Variants in ZFHX3 observed in about 807,000 individuals in gnomAD.
The protein encoded by ZFHX3 is zinc finger homeobox 3.
A neutral mutation model predicts 279.1 loss-of-function variants in ZFHX3; 42 were observed. The ratio of observed to expected loss-of-function variants is 0.15; its 90% CI spans 0.12 to 0.19. The LOEUF (loss-of-function observed/expected upper bound fraction) is 0.19. Among genes scored for constraint, ZFHX3 ranks in the 10% least tolerant of loss-of-function variants. The pLI, the probability that ZFHX3 is intolerant of heterozygous loss-of-function variation, is 1.00. For synonymous variants in ZFHX3, 2,293 were observed against 1,957.8 expected (o/e 1.17, Z -4.52); for missense variants, 4,981 against 4,754.0 (o/e 1.05, Z -1.40).
rs377596031 is a variant in ZFHX3 at position 72,958,252 on chromosome 16, C to G, written c.1894G>C (p.Gly632Arg). ...ACGCCACTCCCCGAGGGGCACTCCC[C>G]AACCCCAAGCTCGCAGAGGGAGCCA... ...HAGSLCELGV[G>R]ECPSGSGVEC... The change falls in exon 2 of 10, where the codon GGG becomes CGG. Residue 632 changes from glycine to arginine, a missense_variant. Physicochemically the swap from Gly to Arg is moderately radical, Grantham distance 125. Around this residue, in one of 7 missense-constraint regions of ZFHX3, gnomAD observed 1,068 missense variants for 935.2 expected, o/e 1.14. Coordinates refer to ENST00000268489, the MANE Select transcript of ZFHX3 (RefSeq NM_006885.4). 3 of 1,613,898 alleles carry G rather than the reference C, an allele frequency of 1.9e-6. No individual in the cohort carries two copies. The highest frequency in any genetic ancestry group is 2.5e-6 in the Non-Finnish European group (3 of 1,179,776).
At chr16:73,041,570 C>A (rs551568359) in intron 1 of ZFHX3, among the ~76,000 whole-genome samples, 1 of 152,062 alleles carries the variant, frequency 6.6e-6, no homozygotes. Context: ...TCATCAATGC[C>A]CATCTCAATT....
At chr16:73,013,804 A>G (rs1408191830) in intron 1 of ZFHX3, among the ~76,000 whole-genome samples, 2 of 152,212 alleles carry the variant, frequency 1.3e-5, no homozygotes, top group African/African-American at 2.4e-5. Context: ...CTCCTGAGCC[A>G]CCTACCTCTA....
intron 1 of ZFHX3, among the ~76,000 whole-genome samples, chr16:73,865,411 G>A (rs1045946454): frequency 6.6e-6 from 1 of 152,142 alleles, no homozygotes; most frequent in African/African-American, 2.4e-5. Flanking sequence ...GGTGTGGGGT[G>A]GGCATGAGGC....
intron 2 of ZFHX3, among the ~76,000 whole-genome samples, chr16:73,672,713 C>T (rs1313463648): frequency 6.7e-6 from 1 of 148,514 alleles, no homozygotes; most frequent in Non-Finnish European, 1.5e-5. Flanking sequence ...GTTTTGTGGA[C>T]ATTAAAAGGA....
chr16:73,139,882 G>A (rs1966841986), intron 6 of ZFHX3, among the ~76,000 whole-genome samples: 1 of 152,232 alleles, frequency 6.6e-6, no homozygotes, highest in African/African-American at 2.4e-5. Context: ...TATGGGACTT[G>A]AGGGAGACCA....
At chr16:73,424,097 T>G (rs2017768056) in intron 3 of ZFHX3, among the ~76,000 whole-genome samples, 1 of 152,160 alleles carries the variant, frequency 6.6e-6, no homozygotes, top group Non-Finnish European at 1.5e-5. Context: ...ACCCTACCAC[T>G]ACATTTGTTG....
Position 73,422,987 on chromosome 16 carries a change from C to T in ZFHX3, c.-1291+33016G>A, listed in dbSNP as rs981357863. 5.9e-5 allele frequency among the ~76,000 whole-genome samples: 9 copies of T among 152,294 alleles called. No homozygotes were observed. The East Asian group carries it at 1.5e-3, about 26-fold the overall frequency. On this transcript the variant is annotated intron_variant, in intron 3 of 17. Coordinates refer to the ZFHX3 transcript ENST00000641206. ...TGGGGCCTCTCTCCTTGGCTGTCTT[C>T]TCATTGTGTCTTCAAATGGTCTTCC...
chr16:73,506,756 C>A (rs953847614), intron 2 of ZFHX3, among the ~76,000 whole-genome samples: 7 of 152,144 alleles, frequency 4.6e-5, no homozygotes, highest in African/African-American at 1.7e-4. Flanking sequence ...ACCACGGCAA[C>A]CACAGGGTCC....
chr16:73,682,091 A>G (rs1334088972), intron 1 of ZFHX3, among the ~76,000 whole-genome samples: 1 of 152,220 alleles, frequency 6.6e-6, no homozygotes, highest in Admixed American at 6.5e-5. Context: ...ACAGCAAAGC[A>G]GTAGTGTACT....
intron 3 of ZFHX3, among the ~76,000 whole-genome samples, chr16:73,406,731 C>T (rs41384444): frequency 0.067 from 10,186 of 152,056 alleles, 422 homozygotes; most frequent in African/African-American, 0.11. Flanking sequence ...ATTTTAGGGC[C>T]GAAGGATGGT....
intron 1 of ZFHX3, among the ~76,000 whole-genome samples, chr16:72,978,786 G>A (rs2040508): frequency 0.77 from 116,704 of 152,038 alleles, 44,947 homozygotes; most frequent in Middle Eastern, 0.8. Context: ...ACAAGAAAAG[G>A]GGAGGCCACT....
intron 3 of ZFHX3, among the ~76,000 whole-genome samples, chr16:73,378,093 T>G (rs1005506963): frequency 6.8e-6 from 1 of 146,292 alleles, no homozygotes; most frequent in South Asian, 2.2e-4. Flanking sequence ...CTTATGTCCT[T>G]AGTTAGGATT....
intron 4 of ZFHX3, among the ~76,000 whole-genome samples, chr16:73,280,152 T>C: frequency 6.6e-6 from 1 of 152,144 alleles, no homozygotes; most frequent in East Asian, 1.9e-4. Context: ...ATGTAAGACC[T>C]GACACCATAA....
In ZFHX3 at chr16:72,879,827, C is replaced by G. The variant is rs948690837; in HGVS notation, c.3448+9904G>C. On this transcript the variant is annotated intron_variant, in intron 4 of 9. Coordinates refer to ENST00000268489, the MANE Select transcript of ZFHX3 (RefSeq NM_006885.4). ...CAGCTTTTCTCGATGCTAAGACCAT[C>G]AAATTTCACAGGCACAAGAACCTTC... 1.1e-4 allele frequency among the ~76,000 whole-genome samples: 16 copies of G among 152,196 alleles called. 1 individual carries two copies. Among genetic ancestry groups the G allele is most frequent in the African/African-American group, 3.9e-4 (16 of 41,456 alleles).
At position 73,462,615 on chromosome 16, in the gene ZFHX3, T is replaced by A. The variant is rs557168882; in HGVS notation, c.-1546-6357A>T. On this transcript the variant is annotated intron_variant, in intron 2 of 17. Transcript: ENST00000641206. Reference sequence around the variant, plus strand: ...TCTTTATTTCTAAGAGTTTTTATCATGAATAGGTATTCAATTTTGTCAAAT... The same window carrying A: ...TCTTTATTTCTAAGAGTTTTTATCAAGAATAGGTATTCAATTTTGTCAAAT... Among the ~76,000 whole-genome samples, 3 of 152,352 alleles carry A rather than the reference T, an allele frequency of 2.0e-5. No homozygotes were observed. In the South Asian group the frequency reaches 6.2e-4, roughly 32 times the overall value.
intron 2 of ZFHX3, among the ~76,000 whole-genome samples, chr16:73,527,591 C>T (rs747455812): frequency 1.3e-5 from 2 of 152,164 alleles, no homozygotes; most frequent in Non-Finnish European, 2.9e-5. Context: ...TAGAATATGG[C>T]AAATGTTATG....
At chr16:72,792,323 C>T (rs565029717) in intron 9 of ZFHX3, among the ~76,000 whole-genome samples, 1 of 152,166 alleles carries the variant, frequency 6.6e-6, no homozygotes, top group Non-Finnish European at 1.5e-5. Context: ...TTTAACAGAA[C>T]CACATTGCCC....
chr16:73,503,049 C>A (rs1349506073), intron 2 of ZFHX3, among the ~76,000 whole-genome samples: 1 of 152,206 alleles, frequency 6.6e-6, no homozygotes, highest in Non-Finnish European at 1.5e-5. Flanking sequence ...CTCGGAACTG[C>A]AGGCCCCCTT....
At chr16:72,896,091 A>G (rs2038892698) in intron 3 of ZFHX3, among the ~76,000 whole-genome samples, 1 of 152,182 alleles carries the variant, frequency 6.6e-6, no homozygotes, top group Non-Finnish European at 1.5e-5. Flanking sequence ...GAACCCAACG[A>G]TCTCCAAGTC....
Sources: allele counts gnomAD v4.1 joint callset (sites outside exome capture counted in the v4.1 genomes callset), GRCh38; gene constraint gnomAD v4.1.1; regional missense constraint gnomAD v4.1.1; transcripts MANE v1.5; gene names NCBI Gene and HGNC (gene_info 2026-07-23, HGNC 2026-07-21).